The following MAGI1 variants were observed in gnomAD, a reference collection of about 807,000 sequenced individuals.
MAGI1 encodes membrane associated guanylate kinase, WW and PDZ domain containing 1.
MAGI1 carries 58 observed loss-of-function variants against 139.9 expected under a neutral mutation model. The ratio of observed to expected loss-of-function variants is 0.41; its 90% CI spans 0.34 to 0.52. MAGI1 has a LOEUF of 0.52. MAGI1 is among the 20% of genes least tolerant of loss of function. The pLI, the probability that MAGI1 is intolerant of heterozygous loss-of-function variation, is 0.12. For synonymous variants in MAGI1, 812 were observed against 737.9 expected (o/e 1.10, Z -1.63); for missense variants, 1,874 against 1,901.6 (o/e 0.99, Z 0.27).
chr3:65,423,365 C>CA (rs1946770606), intron 12 of MAGI1, among the ~76,000 whole-genome samples: 1 of 150,808 alleles, frequency 6.6e-6, no homozygotes, highest in East Asian at 1.9e-4. Context: ...CAGAAAAACA[C>CA]ACGTGCGTGC....
At chr3:66,017,569 A>T (rs556425916) in intron 1 of MAGI1, among the ~76,000 whole-genome samples, 1 of 152,274 alleles carries the variant, frequency 6.6e-6, no homozygotes, top group African/African-American at 2.4e-5. Flanking sequence ...ATCTGCTGTC[A>T]CCTAATCTCA....
Position 65,453,091 on chromosome 3 carries a change from TCTGA to T in MAGI1, c.1042+163_1042+166del, listed in dbSNP as rs920773600. On this transcript the variant is annotated intron_variant, in intron 6 of 22. Transcript: ENST00000402939. ...AAACAAATTCTTCTCTTGAAACAAC[TCTGA>T]CTTTCTTCCTGCTTTTGTAAACCAC... is the stretch of plus-strand genomic sequence containing the variant. 57 of 621,444 alleles carry T rather than the reference TCTGA, an allele frequency of 9.2e-5. No individual in the cohort carries two copies. In the Admixed American group the frequency reaches 1.2e-3, roughly 14 times the overall value. The allele number at this position is 621,444 out of a possible 1,614,324, so 38.5% of individuals were successfully genotyped here. A position where few individuals can be genotyped will look rare whatever the true frequency, so the allele number is the denominator to read the frequency against.
At chr3:65,950,106 A>AAC (rs796698272) in intron 1 of MAGI1, among the ~76,000 whole-genome samples, 1,056 of 83,990 alleles carry the variant, frequency 0.013, 31 homozygotes, top group South Asian at 0.015. Context: ...AAAAAAAAAA[A>AAC]CAGAACTAGC....
intron 2 of MAGI1, among the ~76,000 whole-genome samples, chr3:65,615,716 G>A (rs2083333200): frequency 6.6e-6 from 1 of 152,144 alleles, no homozygotes; most frequent in African/African-American, 2.4e-5. Flanking sequence ...ACTTATCTGA[G>A]CCCATACTCT....
chr3:65,563,829 T>C (rs1451029210), intron 2 of MAGI1, among the ~76,000 whole-genome samples: 1 of 152,212 alleles, frequency 6.6e-6, no homozygotes, highest in Admixed American at 6.5e-5. Flanking sequence ...TTGCTGGCAA[T>C]TGATAGTTAC....
intron 21 of MAGI1, among the ~76,000 whole-genome samples, chr3:65,362,051 C>T (rs1282776138): frequency 6.6e-6 from 1 of 152,178 alleles, no homozygotes; most frequent in South Asian, 2.1e-4. Context: ...TCAAATAGAG[C>T]TTATATTCTA....
At chr3:65,371,401 T>TA (rs989091670) in intron 18 of MAGI1, among the ~76,000 whole-genome samples, 4 of 152,202 alleles carry the variant, frequency 2.6e-5, no homozygotes, top group Non-Finnish European at 1.5e-5. Flanking sequence ...AAACACTACA[T>TA]ACCTTAATTT....
chr3:65,764,716 TC>T (rs1362486595), intron 1 of MAGI1, among the ~76,000 whole-genome samples: 1 of 152,180 alleles, frequency 6.6e-6, no homozygotes, highest in Non-Finnish European at 1.5e-5. Context: ...TCTTTAAGCA[TC>T]TTCTTTAGAA....
chr3:66,005,911 C>T (rs2066989487), intron 1 of MAGI1, among the ~76,000 whole-genome samples: 1 of 152,144 alleles, frequency 6.6e-6, no homozygotes, highest in South Asian at 2.1e-4. Flanking sequence ...AATAAGATTG[C>T]AATCACTTCT....
intron 2 of MAGI1, among the ~76,000 whole-genome samples, chr3:65,566,547 C>T (rs2080659079): frequency 6.6e-6 from 1 of 151,896 alleles, no homozygotes; most frequent in Admixed American, 6.6e-5. Context: ...AATCTGGTTC[C>T]AAAGTTAAGG....
At chr3:65,838,596 C>T (rs2058706795) in intron 1 of MAGI1, among the ~76,000 whole-genome samples, 1 of 152,124 alleles carries the variant, frequency 6.6e-6, no homozygotes, top group African/African-American at 2.4e-5. Flanking sequence ...GAACAGTATT[C>T]CATGGCATGG....
At chr3:66,007,535 G>A (rs1462908408) in intron 1 of MAGI1, among the ~76,000 whole-genome samples, 2 of 152,224 alleles carry the variant, frequency 1.3e-5, no homozygotes, top group Non-Finnish European at 2.9e-5. Flanking sequence ...AAACTCAAGA[G>A]CATAAATGTG....
At chr3:65,511,075 A>T (rs2077562342) in intron 2 of MAGI1, among the ~76,000 whole-genome samples, 1 of 148,400 alleles carries the variant, frequency 6.7e-6, no homozygotes. Flanking sequence ...GTGAAGGAGA[A>T]ATAAAATACT....
At chr3:65,561,923 A>T (rs2080371452) in intron 2 of MAGI1, among the ~76,000 whole-genome samples, 1 of 152,208 alleles carries the variant, frequency 6.6e-6, no homozygotes, top group Admixed American at 6.5e-5. Context: ...GTTCAACCAC[A>T]GTTTGACAAT....
At chr3:65,729,477 A>T (rs914914773) in intron 1 of MAGI1, among the ~76,000 whole-genome samples, 1 of 152,230 alleles carries the variant, frequency 6.6e-6, no homozygotes, top group South Asian at 2.1e-4. Context: ...TATATATTTT[A>T]TACAGTCATT....
chr3:65,478,820 T>C, intron 3 of MAGI1, 22 bp from the exon 4 acceptor site: 2 of 1,573,320 alleles, frequency 1.3e-6, no homozygotes, highest in African/African-American at 1.4e-5. Context: ...AGAGACACAT[T>C]TGCATGTTTC....
chr3:65,366,930 G>T (rs1299180956), intron 18 of MAGI1, among the ~76,000 whole-genome samples: 7 of 152,164 alleles, frequency 4.6e-5, no homozygotes, highest in Non-Finnish European at 1.0e-4. Context: ...CCCATTTGAG[G>T]GCAGTTAACC....
intron 2 of MAGI1, among the ~76,000 whole-genome samples, chr3:65,557,232 C>T (rs954541383): frequency 1.3e-5 from 2 of 152,210 alleles, no homozygotes; most frequent in African/African-American, 4.8e-5. Context: ...GGTTATAAGA[C>T]ACTGTCCCTT....
chr3:65,389,286 T>C (rs1012074399), intron 14 of MAGI1, among the ~76,000 whole-genome samples: 1 of 152,124 alleles, frequency 6.6e-6, no homozygotes, highest in African/African-American at 2.4e-5. Flanking sequence ...TTAAGAAAAT[T>C]TGCCGCCACC....
Sources: allele counts gnomAD v4.1 joint callset (sites outside exome capture counted in the v4.1 genomes callset), GRCh38; gene constraint gnomAD v4.1.1; transcripts MANE v1.5; gene names NCBI Gene and HGNC (gene_info 2026-07-23, HGNC 2026-07-21).